The following TMEM232 variants were observed in gnomAD, a reference collection of about 807,000 sequenced individuals.
TMEM232 encodes transmembrane protein 232.
TMEM232 carries 80 observed loss-of-function variants against 78.8 expected under a neutral mutation model. That is an observed-to-expected ratio of 1.01 (90% CI 0.85 to 1.22). The LOEUF is 1.22. Among genes scored for constraint, TMEM232 ranks in the 50% most tolerant of loss-of-function variants. The probability of loss-of-function intolerance (pLI) is 0.00; values close to 1 mark genes in which losing one functional copy is unlikely to be tolerated. For synonymous variants in TMEM232, 297 were observed against 254.3 expected, an observed-to-expected ratio of 1.17 and a Z score of -1.60; for missense variants, 881 against 742.2, an observed-to-expected ratio of 1.19 and a Z score of -2.17.
At chr5:110,726,425 A>T (rs1192885107) in intron 1 of TMEM232, among the ~76,000 whole-genome samples, 1 of 151,892 alleles carries the variant, frequency 6.6e-6, no homozygotes, top group Non-Finnish European at 1.5e-5. Flanking sequence ...GACTGCTTAG[A>T]CTCTTAGGAG....
intron 12 of TMEM232, among the ~76,000 whole-genome samples, chr5:110,486,321 A>G (rs1764463045): frequency 1.3e-5 from 2 of 152,004 alleles, no homozygotes; most frequent in Admixed American, 6.6e-5. Context: ...TCTTTAGTTT[A>G]ATTAGGTCCC....
At chr5:110,648,925 C>G (rs756865626) in intron 2 of TMEM232, among the ~76,000 whole-genome samples, 1 of 151,944 alleles carries the variant, frequency 6.6e-6, no homozygotes, top group Non-Finnish European at 1.5e-5. Flanking sequence ...AGACTAGCTC[C>G]CATTTCTGTT....
At chr5:110,635,204 A>T (rs1785635200) in intron 5 of TMEM232, among the ~76,000 whole-genome samples, 1 of 151,916 alleles carries the variant, frequency 6.6e-6, no homozygotes, top group Admixed American at 6.6e-5. Context: ...GATTCCCCCA[A>T]AAAAGAAAAG....
chr5:110,638,709 G>A lies in TMEM232; in HGVS notation c.344-354C>T, dbSNP rs116712707. On this transcript the variant is annotated intron_variant, in intron 4 of 13. Transcript: ENST00000455884. ...TGCCATGTAGGAAGTTCAACTCCATGGCATGAAGCAACTGAAACAGAAGTC... is the reference window on the plus strand; with the variant it reads ...TGCCATGTAGGAAGTTCAACTCCATAGCATGAAGCAACTGAAACAGAAGTC... Among the ~76,000 whole-genome samples the A allele has an allele frequency of 7.2e-3, 1,093 of 152,144 alleles. 12 individuals are homozygous for A. The highest frequency in any genetic ancestry group is 0.024 in the African/African-American group (1,013 of 41,508).
At chr5:110,516,004 C>A (rs538179743) in intron 12 of TMEM232, among the ~76,000 whole-genome samples, 1 of 152,284 alleles carries the variant, frequency 6.6e-6, no homozygotes, top group African/African-American at 2.4e-5. Flanking sequence ...CTTTGGGAGG[C>A]CAGGGCGGGC....
intron 8 of TMEM232, among the ~76,000 whole-genome samples, chr5:110,613,274 AG>A (rs1782535987): frequency 6.6e-6 from 1 of 152,136 alleles, no homozygotes; most frequent in Admixed American, 6.6e-5. Flanking sequence ...TCTTTATAAA[AG>A]GGGTTACTAG....
At chr5:110,407,360 A>C (rs1461418447) in intron 2 of TMEM232, among the ~76,000 whole-genome samples, 1 of 152,152 alleles carries the variant, frequency 6.6e-6, no homozygotes, top group East Asian at 1.9e-4. Flanking sequence ...AATGGAAACC[A>C]TAAAAGAGAG....
chr5:110,737,986 C>T (rs144579045), intron 1 of TMEM232: 81 of 180,262 alleles, frequency 4.5e-4, no homozygotes, highest in African/African-American at 1.7e-3. Context: ...TAAATATATA[C>T]ACCTACTATA....
intron 3 of TMEM232, among the ~76,000 whole-genome samples, chr5:110,396,727 T>C (rs950162885): frequency 6.6e-5 from 10 of 152,342 alleles, no homozygotes; most frequent in East Asian, 3.9e-4. Flanking sequence ...CATTCTTTTA[T>C]ATAGTGATGA....
chr5:110,454,975 T>C (rs1760740896), intron 12 of TMEM232, among the ~76,000 whole-genome samples: 1 of 150,918 alleles, frequency 6.6e-6, no homozygotes, highest in Non-Finnish European at 1.5e-5. Context: ...ACAATACAAA[T>C]TATCAATATT....
intron 1 of TMEM232, among the ~76,000 whole-genome samples, chr5:110,671,101 C>T (rs1276435238): frequency 6.6e-6 from 1 of 152,084 alleles, no homozygotes; most frequent in South Asian, 2.1e-4. Context: ...TATGAACAGA[C>T]ACTTCTCAAA....
rs180739786 is a variant in TMEM232 at position 110,658,592 on chromosome 5, T to C, written c.125+8636A>G. ...TTCCTTTTCTAAATGATTGCTGTTA[T>C]ACTTAGAAACATTCTATACTACATT... is the stretch of plus-strand genomic sequence containing the variant. On this transcript the variant is annotated intron_variant, in intron 2 of 13. Coordinates refer to ENST00000455884, the MANE Select transcript of TMEM232 (RefSeq NM_001039763.4). Among the ~76,000 whole-genome samples the C allele has an allele frequency of 6.1e-4, 93 of 152,290 alleles. 1 individual carries two copies. Among genetic ancestry groups the C allele is most frequent in the Non-Finnish European group, 1.1e-3 (76 of 67,982 alleles).
intron 11 of TMEM232, among the ~76,000 whole-genome samples, chr5:110,539,506 T>G (rs1772828617): frequency 6.6e-6 from 1 of 152,192 alleles, no homozygotes; most frequent in South Asian, 2.1e-4. Flanking sequence ...AGATGCTTTC[T>G]TCTCCATTCC....
intron 11 of TMEM232, among the ~76,000 whole-genome samples, chr5:110,548,281 C>T (rs1166917573): frequency 6.7e-6 from 1 of 150,160 alleles, no homozygotes; most frequent in Non-Finnish European, 1.5e-5. Context: ...GATATACATA[C>T]ACATAATTAA....
chr5:110,480,708 A>G (rs928415711), intron 12 of TMEM232, among the ~76,000 whole-genome samples: 9 of 152,106 alleles, frequency 5.9e-5, no homozygotes, highest in African/African-American at 2.2e-4. Context: ...ATTCTATTTT[A>G]TACTATAGGA....
chr5:110,460,284 TA>T (rs1761361795), intron 12 of TMEM232, among the ~76,000 whole-genome samples: 2 of 149,024 alleles, frequency 1.3e-5, no homozygotes, highest in Non-Finnish European at 2.9e-5. Flanking sequence ...AGTAAAAATG[TA>T]TAAGTAAGTG....
At chr5:110,686,570 A>C (rs1761402739) in intron 1 of TMEM232, among the ~76,000 whole-genome samples, 1 of 152,094 alleles carries the variant, frequency 6.6e-6, no homozygotes, top group African/African-American at 2.4e-5. Flanking sequence ...GAGTTGATAA[A>C]AAAAAAAATT....
chr5:110,645,029 C>A (rs182464130), intron 2 of TMEM232, among the ~76,000 whole-genome samples: 3 of 151,188 alleles, frequency 2.0e-5, no homozygotes, highest in Non-Finnish European at 4.4e-5. Context: ...AAAACTGAAT[C>A]AAGATGAAAT....
intron 1 of TMEM232, among the ~76,000 whole-genome samples, chr5:110,708,024 C>T (rs999604476): frequency 1.3e-5 from 2 of 152,104 alleles, no homozygotes; most frequent in Admixed American, 6.6e-5. Context: ...CCAGGTATTA[C>T]GCCATGAGCC....
Sources: allele counts gnomAD v4.1 joint callset (sites outside exome capture counted in the v4.1 genomes callset), GRCh38; gene constraint gnomAD v4.1.1; transcripts MANE v1.5; gene names NCBI Gene and HGNC (gene_info 2026-07-23, HGNC 2026-07-21).